RAB30: variants seen among roughly 807,000 people sequenced by gnomAD.
The protein encoded by RAB30 is RAB30, member RAS oncogene family.
In RAB30, 9 loss-of-function variants were observed where a neutral mutation model predicts 25.1. That is an observed-to-expected ratio of 0.36 (90% confidence interval 0.22 to 0.63). The LOEUF (loss-of-function observed/expected upper bound fraction) is 0.63. Among genes scored for constraint, RAB30 ranks in the 20% least tolerant of loss-of-function variants. The probability of loss-of-function intolerance (pLI) is 0.69; values close to 1 mark genes in which losing one functional copy is unlikely to be tolerated. For missense variants in RAB30, 140 were observed against 243.5 expected (o/e 0.58, Z 2.83); for synonymous variants, 77 against 86.4 (o/e 0.89, Z 0.60).
chr11:83,042,295 G>A (rs6592095), intron 1 of RAB30, among the ~76,000 whole-genome samples: 3,674 of 152,144 alleles, frequency 0.024, 144 homozygotes, highest in African/African-American at 0.085. Context: ...GCTCATGCCT[G>A]TAATCCTAGC....
chr11:83,061,761 G>C (rs1203618852), intron 1 of RAB30, among the ~76,000 whole-genome samples: 1 of 128,524 alleles, frequency 7.8e-6, no homozygotes, highest in African/African-American at 3.0e-5. Context: ...ACGTTGCCCA[G>C]GCTGCTCTTG....
intron 1 of RAB30, among the ~76,000 whole-genome samples, chr11:83,027,672 GAAAA>G (rs927339459): frequency 3.3e-5 from 5 of 151,566 alleles, no homozygotes; most frequent in Non-Finnish European, 5.9e-5. Context: ...GGAACTAAAT[GAAAA>G]AAAATAAAAT....
intron 1 of RAB30, among the ~76,000 whole-genome samples, chr11:83,066,624 C>A (rs912787329): frequency 6.6e-5 from 10 of 152,224 alleles, no homozygotes; most frequent in Non-Finnish European, 1.5e-4. Flanking sequence ...AATCTCGGCT[C>A]ACAGCAGCTT....
chr11:83,039,496 T>C (rs144844137), intron 1 of RAB30, among the ~76,000 whole-genome samples: 3,676 of 152,188 alleles, frequency 0.024, 145 homozygotes, highest in African/African-American at 0.085. Context: ...CTGGGCAACA[T>C]GGCAAAACTC....
chr11:83,055,059 A>G (rs1266658852), intron 1 of RAB30, among the ~76,000 whole-genome samples: 7 of 152,144 alleles, frequency 4.6e-5, no homozygotes, highest in African/African-American at 1.4e-4. Context: ...CTATAGGAAA[A>G]GTCTTGCTCC....
intron 3 of RAB30, among the ~76,000 whole-genome samples, chr11:82,989,258 C>T (rs778595023): frequency 2.6e-5 from 4 of 152,170 alleles, no homozygotes; most frequent in Non-Finnish European, 4.4e-5. Flanking sequence ...TCCCATGCTG[C>T]TGTTGCCACC....
intron 1 of RAB30, among the ~76,000 whole-genome samples, chr11:83,051,539 T>C (rs553302479): frequency 6.6e-6 from 1 of 152,144 alleles, no homozygotes; most frequent in African/African-American, 2.4e-5. Flanking sequence ...AAGGTGGAAG[T>C]AAGCAACGAT....
rs555105481 is a variant in RAB30 at position 83,048,647 on chromosome 11, C to CA, written c.-9+23043dup. Among the ~76,000 whole-genome samples, 1,133 of 152,028 alleles carry CA rather than the reference C, an allele frequency of 7.5e-3. 22 individuals carry two copies. The highest frequency in any genetic ancestry group is 0.026 in the African/African-American group (1,088 of 41,472). Reference sequence around the variant, plus strand: ...CCTCTGCTGACCTTTCTATGAACCTCAAAAAAAATCTCTTTACTTCCCAAC... The same window carrying CA: ...CCTCTGCTGACCTTTCTATGAACCTCAAAAAAAAATCTCTTTACTTCCCAAC... On this transcript the variant is annotated intron_variant, in intron 1 of 4. Coordinates refer to ENST00000527633, the MANE Select transcript of RAB30 (RefSeq NM_001286060.2).
At chr11:82,993,373 C>T (rs1271187945) in intron 3 of RAB30, among the ~76,000 whole-genome samples, 1 of 152,140 alleles carries the variant, frequency 6.6e-6, no homozygotes, top group African/African-American at 2.4e-5. Flanking sequence ...AGGATAATAC[C>T]ACTTACCCCA....
chr11:83,060,992 G>A (rs1316018709), intron 1 of RAB30, among the ~76,000 whole-genome samples: 9 of 152,128 alleles, frequency 5.9e-5, no homozygotes, highest in Non-Finnish European at 1.2e-4. Flanking sequence ...AGGCTACCTG[G>A]CCTTTGGACT....
intron 3 of RAB30, among the ~76,000 whole-genome samples, chr11:82,989,845 CTGCAATTCATT>C (rs1278657984): frequency 6.6e-6 from 1 of 152,372 alleles, no homozygotes; most frequent in East Asian, 1.9e-4. Flanking sequence ...TCACCATTCT[CTGCAATTCATT>C]TGCGCCTTTC....
At chr11:82,992,211 C>T (rs1234410558) in intron 3 of RAB30, 13 of 431,414 alleles carry the variant, frequency 3.0e-5, no homozygotes, top group Non-Finnish European at 4.2e-5. Context: ...GCCTCCTGAG[C>T]ACACTCCTGT....
At chr11:83,038,818 T>C (rs904017529) in intron 1 of RAB30, 3 of 147,340 alleles carry the variant, frequency 2.0e-5, no homozygotes, top group African/African-American at 7.5e-5. Context: ...AGAAACTCCA[T>C]CTCAAAAAAA....
chr11:83,011,416 T>C (rs1418355496), intron 1 of RAB30, among the ~76,000 whole-genome samples: 1 of 142,678 alleles, frequency 7.0e-6, no homozygotes, highest in Non-Finnish European at 1.6e-5. Context: ...CCCCACATAA[T>C]GTCAGTTTGT....
chr11:83,037,862 G>A (rs1395196483), intron 1 of RAB30, among the ~76,000 whole-genome samples: 1 of 152,200 alleles, frequency 6.6e-6, no homozygotes, highest in Admixed American at 6.5e-5. Flanking sequence ...CTGAAAGGAT[G>A]CCTTAGGAAA....
At chr11:83,029,785 C>T (rs1278133774) in intron 1 of RAB30, among the ~76,000 whole-genome samples, 4 of 151,974 alleles carry the variant, frequency 2.6e-5, no homozygotes, top group African/African-American at 7.3e-5. Flanking sequence ...GATATGGAAC[C>T]GACCTAAGTG....
In RAB30 at chr11:82,974,712, T is replaced by TG. The variant is rs1017612382; in HGVS notation, c.*7452dup. 6.6e-6 allele frequency: 1 copy of TG among 152,082 alleles called. No individual in the cohort carries two copies. The allele number at this position is 152,082 out of a possible 1,614,324, so 9.4% of individuals were successfully genotyped here. ...TGTTTCAATGGAGTGATAGGAAATG[T>TG]GGGGGAGATCAAGGATTCTCTAAGT... On this transcript the variant is annotated 3_prime_UTR_variant, in exon 5 of 5. Coordinates refer to ENST00000527633, the MANE Select transcript of RAB30 (RefSeq NM_001286060.2).
chr11:83,011,414 A>G (rs567870345), intron 1 of RAB30, among the ~76,000 whole-genome samples: 67 of 142,782 alleles, frequency 4.7e-4, no homozygotes, highest in Non-Finnish European at 9.4e-4. Flanking sequence ...GACCCCACAT[A>G]ATGTCAGTTT....
intron 1 of RAB30, among the ~76,000 whole-genome samples, chr11:83,011,736 G>A (rs1013074761): frequency 2.6e-5 from 4 of 152,110 alleles, no homozygotes; most frequent in African/African-American, 9.7e-5. Context: ...TTACTCTCCT[G>A]GCCTCCTGCC....
Sources: gnomAD v4.1 joint callset for allele counts (sites outside exome capture counted in the v4.1 genomes callset) on GRCh38, gnomAD v4.1.1 for gene constraint, MANE v1.5 for transcripts, NCBI Gene and HGNC (gene_info 2026-07-23, HGNC 2026-07-21) for gene names.